The following SNX9 variants were observed in gnomAD, a reference collection of about 807,000 sequenced individuals.
The protein encoded by SNX9 is sorting nexin-9.
SNX9 carries 44 observed loss-of-function variants against 89.4 expected under a neutral mutation model. The observed-to-expected ratio is 0.49, with a 90% CI of 0.39 to 0.63. SNX9 has a LOEUF of 0.63. Ranked by LOEUF, SNX9 falls within the 30% of genes least tolerant of loss-of-function variation. The pLI, the probability that SNX9 is intolerant of heterozygous loss-of-function variation, is 0.00. For synonymous variants in SNX9, 236 were observed against 247.8 expected, an observed-to-expected ratio of 0.95 and a Z score of 0.45; for missense variants, 578 against 736.1, an observed-to-expected ratio of 0.79 and a Z score of 2.49.
chr6:157,851,210 A>AT, intron 1 of SNX9, among the ~76,000 whole-genome samples: 1 of 151,830 alleles, frequency 6.6e-6, no homozygotes, highest in Non-Finnish European at 1.5e-5. Context: ...GTGAGCCGAG[A>AT]TCAAGCCTCT....
At chr6:157,853,791 TAAA>T (rs11322047) in intron 1 of SNX9, among the ~76,000 whole-genome samples, 1 of 147,868 alleles carries the variant, frequency 6.8e-6, no homozygotes, top group Non-Finnish European at 1.5e-5. Context: ...ATGTAATGTT[TAAA>T]AAAAAAAAAC....
In SNX9 at chr6:157,823,625, G is replaced by C. The variant is rs1184160606; in HGVS notation, c.12+179G>C. ...GCCAGTCCCTTCTGGGCATGGGTGC[G>C]GCGGGCAGTGCAGACAGACCACCAG... On this transcript the variant is annotated intron_variant, in intron 1 of 17. Coordinates refer to ENST00000392185, the MANE Select transcript of SNX9 (RefSeq NM_016224.5). The surrounding 1 kb of genome is among the most constrained non-coding windows in gnomAD (Gnocchi z 4.6). Among the ~76,000 whole-genome samples, 1 of 151,942 alleles carries C rather than the reference G, an allele frequency of 6.6e-6. No individual in the cohort carries two copies. The highest frequency in any genetic ancestry group is 1.9e-4 in the East Asian group (1 of 5,172).
intron 5 of SNX9, among the ~76,000 whole-genome samples, chr6:157,899,892 A>AGAGTGTGTGT (rs1554295610): frequency 6.6e-6 from 1 of 151,692 alleles, no homozygotes; most frequent in African/African-American, 2.4e-5. Flanking sequence ...TGATTACCTA[A>AGAGTGTGTGT]GTGTGTGTGT....
chr6:157,940,747 G>A, intron 16 of SNX9, 136 bp from the exon 17 acceptor site: 1 of 708,012 alleles, frequency 1.4e-6, no homozygotes, highest in South Asian at 1.8e-5. Flanking sequence ...TTAGTAAAGT[G>A]ATTTACCAAG....
intron 14 of SNX9, among the ~76,000 whole-genome samples, chr6:157,936,593 A>G (rs891206448): frequency 6.6e-6 from 1 of 152,266 alleles, no homozygotes; most frequent in Non-Finnish European, 1.5e-5. Flanking sequence ...TCTAAAGAAC[A>G]GGAAAGAATG....
At chr6:157,915,713 T>C (rs969532305) in intron 9 of SNX9, among the ~76,000 whole-genome samples, 1 of 146,508 alleles carries the variant, frequency 6.8e-6, no homozygotes, top group Non-Finnish European at 1.5e-5. Context: ...TAGTCCCAGC[T>C]ACTCAGGAGG....
intron 4 of SNX9, among the ~76,000 whole-genome samples, chr6:157,892,223 A>G (rs558698213): frequency 9.2e-5 from 14 of 152,188 alleles, no homozygotes; most frequent in Non-Finnish European, 1.9e-4. Context: ...GGGAACTACC[A>G]AGGGGATTTG....
chr6:157,921,346 G>A (rs1583238405), intron 9 of SNX9, among the ~76,000 whole-genome samples, 185 bp from the exon 10 acceptor site: 1 of 152,080 alleles, frequency 6.6e-6, no homozygotes, highest in Admixed American at 6.6e-5. Flanking sequence ...CTTACCTGTG[G>A]GCCTTTGAGC....
At chr6:157,921,402 GT>G in intron 9 of SNX9, 128 bp from the exon 10 acceptor site, 1 of 899,770 alleles carries the variant, frequency 1.1e-6, no homozygotes, top group Non-Finnish European at 1.6e-6. Context: ...AATCTCCATG[GT>G]TTACCTTTTG....
At chr6:157,921,763 T>TC in intron 10 of SNX9, 102 bp downstream of exon 10, 1 of 1,293,890 alleles carries the variant, frequency 7.7e-7, no homozygotes, top group Non-Finnish European at 1.1e-6. Flanking sequence ...GTTAGTTATT[T>TC]CTCACTTCCT....
chr6:157,869,437 C>T (rs957254296), intron 2 of SNX9, among the ~76,000 whole-genome samples: 3 of 152,212 alleles, frequency 2.0e-5, no homozygotes, highest in Admixed American at 1.3e-4. Flanking sequence ...TCAGCCTACT[C>T]CTACTTCTCT....
chr6:157,845,444 A>G (rs1781790081), intron 1 of SNX9, among the ~76,000 whole-genome samples: 1 of 152,106 alleles, frequency 6.6e-6, no homozygotes, highest in Non-Finnish European at 1.5e-5. Flanking sequence ...ACTTACACTT[A>G]TTTTGACAGT....
chr6:157,886,249 G>A (rs1258727157), intron 4 of SNX9, among the ~76,000 whole-genome samples: 1 of 151,854 alleles, frequency 6.6e-6, no homozygotes, highest in Non-Finnish European at 1.5e-5. Context: ...ATTTCTTACT[G>A]GTCCCAGTTC....
intron 1 of SNX9, among the ~76,000 whole-genome samples, chr6:157,863,967 A>G (rs1279096564): frequency 6.6e-6 from 1 of 152,212 alleles, no homozygotes; most frequent in African/African-American, 2.4e-5. Flanking sequence ...TTAAGTCTTA[A>G]TTCAGTGTTT....
At chr6:157,890,584 G>T (rs1177847932) in intron 4 of SNX9, among the ~76,000 whole-genome samples, 1 of 152,126 alleles carries the variant, frequency 6.6e-6, no homozygotes, top group Non-Finnish European at 1.5e-5. Flanking sequence ...TGATTACATA[G>T]ATTTAAGCGT....
chr6:157,873,854 G>C (rs1782467168), intron 3 of SNX9, among the ~76,000 whole-genome samples: 1 of 152,100 alleles, frequency 6.6e-6, no homozygotes, highest in Non-Finnish European at 1.5e-5. Flanking sequence ...GGATACCCAG[G>C]AGAGCAACAC....
Position 157,942,989 on chromosome 6 carries a change from C to T in SNX9, c.*151C>T. 1.5e-6 allele frequency: 1 copy of T among 654,650 alleles called. No individual in the cohort carries two copies. Among genetic ancestry groups the T allele is most frequent in the Non-Finnish European group, 2.5e-6 (1 of 398,824 alleles). 40.6% of individuals were successfully genotyped at this position (654,650 alleles called of 1,614,324 possible). On this transcript the variant is annotated 3_prime_UTR_variant, in exon 18 of 18. Transcript: ENST00000392185. Reference sequence around the variant, plus strand: ...AAAACTGCATTTATTTTATTAGCCACCCTAAATGCGTCAGTTATTTAGGGA... The same window carrying T: ...AAAACTGCATTTATTTTATTAGCCATCCTAAATGCGTCAGTTATTTAGGGA...
intron 2 of SNX9, chr6:157,872,645 G>A (rs1782436821): frequency 6.6e-6 from 1 of 152,636 alleles, no homozygotes; most frequent in African/African-American, 2.4e-5. Context: ...AGCGACTTGG[G>A]TGCCAGAAGA....
intron 4 of SNX9, among the ~76,000 whole-genome samples, chr6:157,876,130 C>G (rs1181933957): frequency 1.3e-5 from 2 of 150,992 alleles, no homozygotes; most frequent in Non-Finnish European, 2.9e-5. Flanking sequence ...ATAATCATAT[C>G]ACTTACAAGT....
Sources: gnomAD v4.1 joint callset for allele counts (sites outside exome capture counted in the v4.1 genomes callset) on GRCh38, gnomAD v4.1.1 for gene constraint, Gnocchi (gnomAD v3.1) non-coding constraint, MANE v1.5 for transcripts, NCBI Gene and HGNC (gene_info 2026-07-23, HGNC 2026-07-21) for gene names.